Variants in SEC22A observed in about 807,000 individuals in gnomAD.
The protein encoded by SEC22A is vesicle-trafficking protein SEC22a.
In SEC22A, 22 loss-of-function variants were observed where a neutral mutation model predicts 35.3. The observed-to-expected ratio is 0.62, with a 90% confidence interval of 0.45 to 0.89. The LOEUF is 0.89. Ranked by LOEUF, SEC22A falls within the 40% of genes least tolerant of loss-of-function variation. The pLI is 0.00. For synonymous variants in SEC22A, 119 were observed against 129.5 expected, an observed-to-expected ratio of 0.92 and a Z score of 0.55; for missense variants, 354 against 362.5, an observed-to-expected ratio of 0.98 and a Z score of 0.19.
chr3:123,261,595 T>C (rs1937896303), intron 6 of SEC22A, among the ~76,000 whole-genome samples: 1 of 152,252 alleles, frequency 6.6e-6, no homozygotes. Context: ...AATATAATTT[T>C]ATGAATAATC....
chr3:123,258,496 T>C (rs554006573), intron 5 of SEC22A, among the ~76,000 whole-genome samples: 95 of 152,244 alleles, frequency 6.2e-4, no homozygotes, highest in African/African-American at 2.1e-3. Context: ...AAAGGTTTGG[T>C]GTTGGCCTTC....
intron 6 of SEC22A, among the ~76,000 whole-genome samples, chr3:123,263,925 C>CTTT (rs200151212): frequency 1.0e-4 from 14 of 137,102 alleles, no homozygotes; most frequent in African/African-American, 3.7e-4. Flanking sequence ...TGATTTGTTC[C>CTTT]TTTTTTTTTT....
At chr3:123,240,517 A>G (rs1937510737) in intron 4 of SEC22A, among the ~76,000 whole-genome samples, 2 of 152,326 alleles carry the variant, frequency 1.3e-5, no homozygotes, top group Admixed American at 1.3e-4. Context: ...TGAATGTACC[A>G]CAATTTGTTT....
intron 4 of SEC22A, among the ~76,000 whole-genome samples, chr3:123,228,741 G>A (rs1937261243): frequency 6.6e-6 from 1 of 151,834 alleles, no homozygotes; most frequent in South Asian, 2.1e-4. Flanking sequence ...AAAGACTAAA[G>A]GAAACTATTA....
chr3:123,248,413 A>G (rs1420554800), intron 5 of SEC22A, among the ~76,000 whole-genome samples: 5 of 152,228 alleles, frequency 3.3e-5, no homozygotes, highest in African/African-American at 1.2e-4. Flanking sequence ...TTAATATACA[A>G]AACTCAATTG....
At chr3:123,212,754 T>A (rs1465689111) in intron 2 of SEC22A, among the ~76,000 whole-genome samples, 1 of 151,510 alleles carries the variant, frequency 6.6e-6, no homozygotes, top group Non-Finnish European at 1.5e-5. Flanking sequence ...AGTAAGGGAG[T>A]CAAAAGAAGG....
intron 2 of SEC22A, among the ~76,000 whole-genome samples, chr3:123,216,270 C>G (rs938985181): frequency 6.6e-6 from 1 of 152,106 alleles, no homozygotes; most frequent in Non-Finnish European, 1.5e-5. Flanking sequence ...CTAAAAAAGT[C>G]AGGATCTTCA....
chr3:123,208,053 T>C (rs1936879077), intron 1 of SEC22A, among the ~76,000 whole-genome samples: 1 of 152,200 alleles, frequency 6.6e-6, no homozygotes, highest in Non-Finnish European at 1.5e-5. Flanking sequence ...ATTTGGCATC[T>C]TTTTCTGCAT....
chr3:123,215,664 C>G (rs1223225430), intron 2 of SEC22A, among the ~76,000 whole-genome samples: 1 of 152,148 alleles, frequency 6.6e-6, no homozygotes, highest in East Asian at 1.9e-4. Context: ...TTCAACGTCA[C>G]AAAAATAGTA....
At chr3:123,260,324 T>A (rs911880511) in intron 6 of SEC22A, among the ~76,000 whole-genome samples, 3 of 152,010 alleles carry the variant, frequency 2.0e-5, no homozygotes, top group African/African-American at 7.3e-5. Context: ...TAGAATGGAC[T>A]GTAAGAGCAG....
chr3:123,261,119 G>A (rs983990249), intron 6 of SEC22A, among the ~76,000 whole-genome samples: 10 of 152,016 alleles, frequency 6.6e-5, no homozygotes, highest in African/African-American at 2.4e-4. Flanking sequence ...ACAGGCGTGA[G>A]CCACCGCGCC....
intron 5 of SEC22A, among the ~76,000 whole-genome samples, chr3:123,257,963 G>T (rs576142282): frequency 7.1e-6 from 1 of 139,948 alleles, no homozygotes; most frequent in Admixed American, 7.8e-5. Flanking sequence ...CTGCACTCCA[G>T]CCTGGGTGAC....
At chr3:123,208,560 A>G (rs1936885509) in intron 1 of SEC22A, 1 of 152,086 alleles carries the variant, frequency 6.6e-6, no homozygotes, top group Non-Finnish European at 1.5e-5. Flanking sequence ...TAATCCCAGC[A>G]CTGTGGCAGG....
At chr3:123,230,002 G>A (rs1412800492) in intron 4 of SEC22A, among the ~76,000 whole-genome samples, 2 of 152,026 alleles carry the variant, frequency 1.3e-5, no homozygotes. Context: ...GACAGTAAAG[G>A]CCCGGTGTGG....
intron 6 of SEC22A, among the ~76,000 whole-genome samples, chr3:123,264,842 T>C: frequency 6.6e-6 from 1 of 152,080 alleles, no homozygotes; most frequent in East Asian, 1.9e-4. Flanking sequence ...AGATGGGGTT[T>C]CACCATGTTG....
intron 2 of SEC22A, among the ~76,000 whole-genome samples, chr3:123,223,276 A>T (rs564247429): frequency 1.3e-5 from 2 of 152,342 alleles, no homozygotes; most frequent in African/African-American, 4.8e-5. Flanking sequence ...ACATTTGTAT[A>T]TCCATTCCCC....
chr3:123,247,581 A>G (rs1937577347), intron 5 of SEC22A, among the ~76,000 whole-genome samples: 1 of 152,206 alleles, frequency 6.6e-6, no homozygotes, highest in Non-Finnish European at 1.5e-5. Context: ...CTTGCTTTTG[A>G]GATACTGCAA....
At chr3:123,210,511 A>C (rs573187571) in intron 2 of SEC22A, among the ~76,000 whole-genome samples, 1 of 152,310 alleles carries the variant, frequency 6.6e-6, no homozygotes, top group East Asian at 1.9e-4. Flanking sequence ...TAAATCTGAG[A>C]TGCCCATTAG....
chr3:123,235,199 T>A (rs1937396843), intron 4 of SEC22A, among the ~76,000 whole-genome samples: 1 of 152,134 alleles, frequency 6.6e-6, no homozygotes. Context: ...AATTCAAAAT[T>A]AAAAACTTTG....
Sources: allele counts gnomAD v4.1 joint callset (sites outside exome capture counted in the v4.1 genomes callset), GRCh38; gene constraint gnomAD v4.1.1; transcripts MANE v1.5; gene names NCBI Gene and HGNC (gene_info 2026-07-23, HGNC 2026-07-21).